Variants in CEP72 observed in about 807,000 individuals in gnomAD.
CEP72 encodes centrosomal protein of 72 kDa.
A neutral mutation model predicts 65.7 loss-of-function variants in CEP72; 78 were observed. That is an observed-to-expected ratio of 1.19 (90% CI 0.99 to 1.43). CEP72 has a LOEUF of 1.43. Ranked by LOEUF, CEP72 falls within the 40% of genes most tolerant of loss-of-function variation. The probability of loss-of-function intolerance (pLI) is 0.00; values close to 1 mark genes in which losing one functional copy is unlikely to be tolerated. For synonymous variants in CEP72, 358 were observed against 351.7 expected, an observed-to-expected ratio of 1.02 and a Z score of -0.20; for missense variants, 914 against 832.9, an observed-to-expected ratio of 1.10 and a Z score of -1.20.
At chr5:643,579 C>A in intron 9 of CEP72, 1 of 985,390 alleles carries the variant, frequency 1.0e-6, no homozygotes, top group Non-Finnish European at 1.2e-6. Context: ...CAGACTCAGG[C>A]GCTCCCTCCC....
chr5:669,374 C>A (rs879579755), downstream of CEP72, among the ~76,000 whole-genome samples: 1 of 152,174 alleles, frequency 6.6e-6, no homozygotes, highest in African/African-American at 2.4e-5. Flanking sequence ...GGCGTGGACA[C>A]CCGCACGTTC....
In CEP72 at chr5:662,974, T is replaced by G. The variant is rs1209028666; in HGVS notation, n.131-442T>G. On this transcript the variant is annotated intron_variant and non_coding_transcript_variant, in intron 1 of 4. Coordinates refer to the CEP72 transcript ENST00000514507. ...TGACTGCTCGTCTGTGATCGGGTGA[T>G]TCCGATGACTGCTCGTCTGTGATCG... 19 of 134,244 alleles carry G rather than the reference T, an allele frequency of 1.4e-4. No homozygotes were observed. In the East Asian group the frequency reaches 3.1e-3, roughly 22 times the overall value. The allele number at this position is 134,244 out of a possible 1,614,324, so 8.3% of individuals were successfully genotyped here.
At chr5:665,947 C>A in exon 4 of CEP72, 1 of 1,516,142 alleles carries the variant, frequency 6.6e-7, no homozygotes, top group African/African-American at 1.5e-5. Flanking sequence ...CCAGGCCCCG[C>A]CTTCCATCCC....
At chr5:640,646 G>C (rs755058705) in intron 9 of CEP72, 42 bp downstream of exon 9, 2 of 1,562,594 alleles carry the variant, frequency 1.3e-6, no homozygotes, top group South Asian at 2.3e-5. Flanking sequence ...ATGTGACTGG[G>C]GGAAACATGG....
At chr5:663,090 T>TCGGGCGA (rs1739727492) in intron 1 of CEP72, 2 of 150,024 alleles carry the variant, frequency 1.3e-5, no homozygotes, top group Admixed American at 6.6e-5. Context: ...TTGTCTGTGA[T>TCGGGCGA]TGGGCGATTC....
chr5:669,133 G>T (rs1191309981), downstream of CEP72, among the ~76,000 whole-genome samples: 1 of 152,226 alleles, frequency 6.6e-6, no homozygotes, highest in African/African-American at 2.4e-5. Context: ...GGGAGCGGAG[G>T]CCTCGCTGTG....
intron 1 of CEP72, among the ~76,000 whole-genome samples, chr5:613,777 T>C (rs914239729): frequency 2.6e-5 from 4 of 152,220 alleles, no homozygotes; most frequent in African/African-American, 4.8e-5. Flanking sequence ...CTGCATTCTT[T>C]GGTGAATCCG....
At chr5:646,314 G>A (rs1446029985) in intron 10 of CEP72, among the ~76,000 whole-genome samples, 5 of 151,964 alleles carry the variant, frequency 3.3e-5, no homozygotes, top group Non-Finnish European at 7.4e-5. Flanking sequence ...TTGTTTTTTC[G>A]TTTCTTCTGT....
Position 624,037 on chromosome 5 carries a change from C to A in CEP72, c.404-434C>A, listed in dbSNP as rs137894031. Among the ~76,000 whole-genome samples the A allele has an allele frequency of 2.6e-4, 39 of 152,188 alleles. No homozygotes were observed. The East Asian group carries it at 7.2e-3, about 28-fold the overall frequency. On this transcript the variant is annotated intron_variant, in intron 3 of 11. Transcript: ENST00000264935. This position sits in a 1 kb window ranked among gnomAD's most constrained non-coding sequence, Gnocchi z 4.7. ...GAGTTCTTGGGTGGGAGCCTGGTGG[C>A]CCCAGGTACGCACGTCCCTGAGGCC...
At chr5:613,693 G>T (rs1007999396) in intron 1 of CEP72, among the ~76,000 whole-genome samples, 3 of 152,220 alleles carry the variant, frequency 2.0e-5, no homozygotes, top group Non-Finnish European at 4.4e-5. Flanking sequence ...AGAGGAACAG[G>T]ACTGTGAGGA....
At chr5:649,557 T>G (rs1738780139) in intron 11 of CEP72, among the ~76,000 whole-genome samples, 1 of 108,316 alleles carries the variant, frequency 9.2e-6, no homozygotes, top group Admixed American at 1.0e-4. Context: ...CTGTGAGGTG[T>G]GACTGTGAGG....
At chr5:670,623 G>A (rs1038432526), downstream of CEP72, among the ~76,000 whole-genome samples, 1 of 152,230 alleles carries the variant, frequency 6.6e-6, no homozygotes, top group South Asian at 2.1e-4. Context: ...GGGGAGCCCT[G>A]TCTGGCATCG....
At chr5:612,655 C>T in intron 1 of CEP72, 19 of 978,808 alleles carry the variant, frequency 1.9e-5, no homozygotes, top group Non-Finnish European at 2.3e-5. Context: ...GTTCGGGTCC[C>T]GGCGTCCCGG....
intron 2 of CEP72, among the ~76,000 whole-genome samples, chr5:619,613 G>C (rs1324396987): frequency 2.6e-5 from 4 of 152,210 alleles, no homozygotes; most frequent in Non-Finnish European, 4.4e-5. Context: ...TGAGCATTAT[G>C]GAGGCCACGT....
downstream of CEP72, among the ~76,000 whole-genome samples, chr5:670,607 G>A (rs1245984008): frequency 1.3e-5 from 2 of 152,104 alleles, no homozygotes; most frequent in Admixed American, 6.5e-5. Context: ...TAGGGACGCG[G>A]CCTTAGGGGA....
the CEP72 span, among the ~76,000 whole-genome samples, chr5:675,461 CA>C: frequency 1.2e-4 from 2 of 16,716 alleles, no homozygotes; most frequent in Non-Finnish European, 9.6e-5. Context: ...TGGGGTGCAG[CA>C]CAGGGGGTGC....
chr5:675,596 TG>T, the CEP72 span, among the ~76,000 whole-genome samples: 2 of 104,536 alleles, frequency 1.9e-5, no homozygotes, highest in Non-Finnish European at 4.1e-5. Context: ...GGGTGCAGCA[TG>T]GGGGGTACAG....
chr5:641,899 C>T (rs1340373591), intron 9 of CEP72: 30 of 939,696 alleles, frequency 3.2e-5, no homozygotes, highest in Admixed American at 2.6e-4. Context: ...GTCCCCCGTC[C>T]AGAAGCCTGT....
intron 6 of CEP72, among the ~76,000 whole-genome samples, chr5:637,256 C>T (rs1257485585): frequency 1.3e-5 from 2 of 152,250 alleles, no homozygotes; most frequent in Non-Finnish European, 2.9e-5. Context: ...TTCATCCAGA[C>T]TCCCCCAGAG....
Sources: gnomAD v4.1 joint callset for allele counts (sites outside exome capture counted in the v4.1 genomes callset) on GRCh38, gnomAD v4.1.1 for gene constraint, Gnocchi (gnomAD v3.1) non-coding constraint, MANE v1.5 for transcripts, NCBI Gene and HGNC (gene_info 2026-07-23, HGNC 2026-07-21) for gene names.